Variants in PHLDB2 observed in about 807,000 individuals in gnomAD.
The protein encoded by PHLDB2 is pleckstrin homology-like domain family B member 2.
In PHLDB2, 71 loss-of-function variants were observed where a neutral mutation model predicts 123.6. The observed-to-expected ratio is 0.57, with a 90% CI of 0.47 to 0.70. PHLDB2 has a LOEUF of 0.70. Ranked by LOEUF, PHLDB2 falls within the 30% of genes least tolerant of loss-of-function variation. PHLDB2 has a pLI of 0.00. For missense variants in PHLDB2, 1,446 were observed against 1,519.5 expected (o/e 0.95, Z 0.80); for synonymous variants, 547 against 541.6 (o/e 1.01, Z -0.14).
chr3:111,756,470 C>T lies in PHLDB2; in HGVS notation c.-49+23767C>T, dbSNP rs937327936. Reference sequence around the variant, plus strand: ...CTTTTATCAGAGACTAGGATTGCAACCCCTGCCTTTTTTTGTTTTCCATTT... The same window carrying T: ...CTTTTATCAGAGACTAGGATTGCAATCCCTGCCTTTTTTTGTTTTCCATTT... On this transcript the variant is annotated intron_variant, in intron 1 of 17. Coordinates refer to the PHLDB2 transcript ENST00000393923. Among the ~76,000 whole-genome samples the T allele has an allele frequency of 7.9e-5, 12 of 152,226 alleles. 1 individual carries two copies. The highest frequency in any genetic ancestry group is 2.9e-4 in the African/African-American group (12 of 41,534).
chr3:111,951,050 A>C (rs1020594619), intron 10 of PHLDB2, among the ~76,000 whole-genome samples: 1 of 152,154 alleles, frequency 6.6e-6, no homozygotes, highest in Non-Finnish European at 1.5e-5. Context: ...TATTTTATTA[A>C]GCTATCATTA....
intron 9 of PHLDB2, among the ~76,000 whole-genome samples, chr3:111,946,415 T>A (rs1388739701): frequency 6.6e-6 from 1 of 152,226 alleles, no homozygotes; most frequent in Non-Finnish European, 1.5e-5. Flanking sequence ...AAAAACCCTT[T>A]AGACAGTGGA....
chr3:111,871,944 T>G (rs944829177), intron 1 of PHLDB2, among the ~76,000 whole-genome samples: 1 of 152,246 alleles, frequency 6.6e-6, no homozygotes, highest in Non-Finnish European at 1.5e-5. Flanking sequence ...AAAAGTACTG[T>G]GACTTTCTGT....
At chr3:111,741,437 A>G (rs2059603081) in intron 1 of PHLDB2, among the ~76,000 whole-genome samples, 2 of 152,210 alleles carry the variant, frequency 1.3e-5, no homozygotes, top group African/African-American at 2.4e-5. Flanking sequence ...CTTTCATGCC[A>G]TAAATCTTCA....
At chr3:111,756,336 T>A (rs1222040097) in intron 1 of PHLDB2, among the ~76,000 whole-genome samples, 1 of 152,118 alleles carries the variant, frequency 6.6e-6, no homozygotes. Flanking sequence ...ATCTGGGTGC[T>A]CCTGTATTGG....
chr3:111,770,586 T>C lies in PHLDB2; in HGVS notation c.-49+37883T>C, dbSNP rs553424172. ...GACACGCACTTGGGAAAATGCTGTG[T>C]AGTGTATAAATTACCATAACTTGTG... On this transcript the variant is annotated intron_variant, in intron 1 of 17. Transcript: ENST00000393923. Among the ~76,000 whole-genome samples the C allele has an allele frequency of 2.6e-5, 4 of 152,302 alleles. No individual in the cohort carries two copies. The South Asian group carries it at 8.3e-4, about 32-fold the overall frequency.
intron 2 of PHLDB2, 40 bp downstream of exon 2, chr3:111,885,452 T>A (rs1193336912): frequency 6.2e-7 from 1 of 1,613,078 alleles, no homozygotes; most frequent in South Asian, 1.1e-5. Flanking sequence ...CACTGTTTCA[T>A]TAACCAGCAT....
upstream of PHLDB2, among the ~76,000 whole-genome samples, chr3:111,855,814 G>T (rs1225154380): frequency 2.0e-5 from 3 of 151,922 alleles, no homozygotes; most frequent in African/African-American, 7.3e-5. Context: ...TGTATTTTTA[G>T]TAGAGACGGG....
At chr3:111,890,249 C>G (rs2066400614) in intron 2 of PHLDB2, among the ~76,000 whole-genome samples, 1 of 152,168 alleles carries the variant, frequency 6.6e-6, no homozygotes, top group South Asian at 2.1e-4. Flanking sequence ...AACCAAAACC[C>G]CAGTGAAACT....
chr3:111,784,911 A>T (rs1044834725), intron 1 of PHLDB2, among the ~76,000 whole-genome samples: 5 of 152,186 alleles, frequency 3.3e-5, no homozygotes, highest in Non-Finnish European at 7.4e-5. Context: ...TATTATAAGT[A>T]GTGCTATGAT....
At chr3:111,949,763 C>T (rs146155616) in intron 10 of PHLDB2, 120 of 985,816 alleles carry the variant, frequency 1.2e-4, no homozygotes, top group Non-Finnish European at 1.4e-4. Flanking sequence ...CATCCTATCA[C>T]TCAACATACA....
chr3:111,732,841 T>G, intron 1 of PHLDB2: 1 of 650,598 alleles, frequency 1.5e-6, no homozygotes. Flanking sequence ...AATTCAGTCA[T>G]TTTTCTATCA....
chr3:111,740,969 C>T (rs1159100498), intron 1 of PHLDB2, among the ~76,000 whole-genome samples: 1 of 150,344 alleles, frequency 6.7e-6, no homozygotes, highest in African/African-American at 2.4e-5. Flanking sequence ...GAAATATGAA[C>T]AATGATGACA....
chr3:111,876,723 C>T (rs2065642104), intron 1 of PHLDB2, among the ~76,000 whole-genome samples: 1 of 152,070 alleles, frequency 6.6e-6, no homozygotes, highest in East Asian at 1.9e-4. Flanking sequence ...CGCCCCTAGC[C>T]CCCCACACCC....
At chr3:111,898,446 G>A (rs1335474973) in intron 2 of PHLDB2, among the ~76,000 whole-genome samples, 1 of 152,030 alleles carries the variant, frequency 6.6e-6, no homozygotes, top group Non-Finnish European at 1.5e-5. Flanking sequence ...GCCTTCCAAA[G>A]TGCTGGGATT....
chr3:111,734,490 A>G (rs377499364), intron 1 of PHLDB2, among the ~76,000 whole-genome samples: 7 of 152,190 alleles, frequency 4.6e-5, no homozygotes, highest in African/African-American at 1.4e-4. Flanking sequence ...GGACAGACAC[A>G]CAGGTCTGAC....
intron 1 of PHLDB2, among the ~76,000 whole-genome samples, chr3:111,739,073 T>C (rs1380085759): frequency 6.6e-6 from 1 of 152,220 alleles, no homozygotes; most frequent in Non-Finnish European, 1.5e-5. Context: ...TCTCTAGTTT[T>C]GATATTCTGT....
chr3:111,834,391 G>A (rs932805472), intron 1 of PHLDB2, among the ~76,000 whole-genome samples: 2 of 143,274 alleles, frequency 1.4e-5, no homozygotes, highest in African/African-American at 5.1e-5. Flanking sequence ...TTATATATAT[G>A]TGTGTATATA....
intron 1 of PHLDB2, among the ~76,000 whole-genome samples, chr3:111,826,517 G>A (rs990937767): frequency 6.6e-6 from 1 of 152,122 alleles, no homozygotes; most frequent in African/African-American, 2.4e-5. Flanking sequence ...CTAAACACTT[G>A]TGCCAGATTT....
Sources: allele counts gnomAD v4.1 joint callset (sites outside exome capture counted in the v4.1 genomes callset), GRCh38; gene constraint gnomAD v4.1.1; transcripts MANE v1.5; gene names NCBI Gene and HGNC (gene_info 2026-07-23, HGNC 2026-07-21).